Variants in NPAS2 observed in about 807,000 individuals in gnomAD.
NPAS2 encodes neuronal PAS domain protein 2.
In NPAS2, 23 loss-of-function variants were observed where a neutral mutation model predicts 107.5. The ratio of observed to expected loss-of-function variants is 0.21; its 90% CI spans 0.15 to 0.30. NPAS2 has a LOEUF of 0.30. Among genes scored for constraint, NPAS2 ranks in the 10% least tolerant of loss-of-function variants. The probability of loss-of-function intolerance (pLI) is 1.00; values close to 1 mark genes in which losing one functional copy is unlikely to be tolerated. For missense variants in NPAS2, 756 were observed against 1,043.3 expected, an observed-to-expected ratio of 0.72 and a Z score of 3.79; for synonymous variants, 403 against 417.5, an observed-to-expected ratio of 0.97 and a Z score of 0.42.
chr2:100,926,894 C>G (rs565546060), intron 3 of NPAS2, among the ~76,000 whole-genome samples: 1 of 149,828 alleles, frequency 6.7e-6, no homozygotes, highest in East Asian at 1.9e-4. Flanking sequence ...AGATTTATAT[C>G]TATGTTTTCT....
intron 2 of NPAS2, among the ~76,000 whole-genome samples, chr2:100,916,147 T>G (rs1347020005): frequency 6.6e-6 from 1 of 151,898 alleles, no homozygotes; most frequent in African/African-American, 2.4e-5. Flanking sequence ...AATGTTTAAA[T>G]AATCCAAAAG....
intron 1 of NPAS2, among the ~76,000 whole-genome samples, chr2:100,902,116 T>C (rs1274350013): frequency 6.6e-6 from 1 of 152,158 alleles, no homozygotes; most frequent in Non-Finnish European, 1.5e-5. Context: ...GAAAACTTTA[T>C]ACGGTTGAGA....
At chr2:100,854,581 C>A (rs1678437793) in intron 1 of NPAS2, among the ~76,000 whole-genome samples, 1 of 152,158 alleles carries the variant, frequency 6.6e-6, no homozygotes, top group Admixed American at 6.5e-5. Context: ...GGGAAAGATT[C>A]TAATTGGCCT....
Position 100,968,501 on chromosome 2 carries a change from C to T in NPAS2, c.1055+73C>T. The T allele has an allele frequency of 1.4e-6, 2 of 1,463,340 alleles. No homozygotes were observed. Among genetic ancestry groups the T allele is most frequent in the South Asian group, 2.4e-5 (2 of 83,052 alleles). 90.6% of individuals were successfully genotyped at this position (1,463,340 alleles called of 1,614,324 possible). On this transcript the variant is annotated intron_variant, in intron 11 of 20. Coordinates refer to ENST00000335681, the MANE Select transcript of NPAS2 (RefSeq NM_002518.4). This position sits in a 1 kb window ranked among gnomAD's most constrained non-coding sequence, Gnocchi z 5.3. ...GGAGGGGTGCAGGATGGCGTGGCCC[C>T]TGATGGCCAAGTCAGATCAGCAGTC...
At chr2:100,972,425 C>T (rs573849862) in intron 12 of NPAS2, among the ~76,000 whole-genome samples, 9 of 152,332 alleles carry the variant, frequency 5.9e-5, no homozygotes, top group East Asian at 1.9e-4. Context: ...CCAGTGACTG[C>T]GAATCCAGAG....
intron 10 of NPAS2, among the ~76,000 whole-genome samples, chr2:100,966,125 A>T (rs973868342): frequency 6.6e-6 from 1 of 152,188 alleles, no homozygotes; most frequent in Non-Finnish European, 1.5e-5. Flanking sequence ...TTTCATCAGC[A>T]GATAAGTATT....
chr2:100,843,573 T>C (rs1677582837), intron 1 of NPAS2, among the ~76,000 whole-genome samples: 1 of 152,216 alleles, frequency 6.6e-6, no homozygotes, highest in African/African-American at 2.4e-5. Flanking sequence ...TTGTCCTATA[T>C]ACTGATATTT....
chr2:100,938,048 G>A lies in NPAS2; in HGVS notation c.363+206G>A, dbSNP rs890382877. 5.3e-5 allele frequency among the ~76,000 whole-genome samples: 8 copies of A among 152,214 alleles called. No individual in the cohort carries two copies. The South Asian group carries it at 8.3e-4, about 16-fold the overall frequency. On this transcript the variant is annotated intron_variant, in intron 5 of 20. Transcript: ENST00000335681. ...TTCCAGGAAAAGGGCAGATGCAGGCGTGTGCCATCCTGGAACAGGCAAGGC... is the reference window on the plus strand; with the variant it reads ...TTCCAGGAAAAGGGCAGATGCAGGCATGTGCCATCCTGGAACAGGCAAGGC...
In NPAS2 at chr2:100,937,833, G is replaced by T. The variant is rs768669776; in HGVS notation, c.354G>T (p.Gly118=). Reference sequence around the variant, plus strand: ...CTGACAGTATCACGCCTCTCCTTGGGCATTTACCGGTGAGTTTCCACTCCA... The same window carrying T: ...CTGACAGTATCACGCCTCTCCTTGGTCATTTACCGGTGAGTTTCCACTCCA... ...YVSDSITPLL[G]HLPSDVMDQN... The change falls in exon 5 of 21, where the codon GGG becomes GGT. Residue 118 remains glycine (G), a synonymous_variant. Coordinates refer to ENST00000335681, the MANE Select transcript of NPAS2 (RefSeq NM_002518.4). The T allele has an allele frequency of 1.2e-6, 2 of 1,612,844 alleles. No individual in the cohort carries two copies. Among genetic ancestry groups the T allele is most frequent in the Non-Finnish European group, 1.7e-6 (2 of 1,178,856 alleles).
intron 3 of NPAS2, among the ~76,000 whole-genome samples, chr2:100,932,646 C>T (rs2104940745): frequency 6.6e-6 from 1 of 152,272 alleles, no homozygotes; most frequent in East Asian, 1.9e-4. Context: ...ACATTCAGGG[C>T]CATGGTACCA....
chr2:100,959,794 C>T (rs563190691), intron 7 of NPAS2, among the ~76,000 whole-genome samples: 2 of 152,262 alleles, frequency 1.3e-5, no homozygotes, highest in South Asian at 4.2e-4. Context: ...ATGTTTTCCT[C>T]CAGCCATTGC....
intron 7 of NPAS2, among the ~76,000 whole-genome samples, chr2:100,956,594 T>G (rs1675581669): frequency 1.3e-5 from 2 of 152,222 alleles, no homozygotes. Context: ...GCTCTCTTCT[T>G]GCTCCTCTGA....
At chr2:100,901,492 C>G in intron 1 of NPAS2, 3 of 984,618 alleles carry the variant, frequency 3.0e-6, no homozygotes, top group Non-Finnish European at 3.6e-6. Context: ...ACTGGAAGAG[C>G]CCCAGAGAGA....
At position 100,904,746 on chromosome 2, in the gene NPAS2, G is replaced by C; in HGVS notation, c.-9G>C. The C allele has an allele frequency of 6.4e-7, 1 of 1,554,416 alleles. No homozygotes were observed. The highest frequency in any genetic ancestry group is 8.8e-7 in the Non-Finnish European group (1 of 1,135,454). On this transcript the variant is annotated 5_prime_UTR_variant, in exon 2 of 21. Transcript: ENST00000335681. ...TTTTTTTTGCAGGAAAAACTGCATA[G>C]AAAATCTAATGGATGAAGATGAGAA... is the stretch of plus-strand genomic sequence containing the variant.
chr2:100,869,941 G>C (rs1326690560), intron 1 of NPAS2, among the ~76,000 whole-genome samples: 1 of 120,894 alleles, frequency 8.3e-6, no homozygotes, highest in Admixed American at 1.1e-4. Context: ...GTCTCGCTCT[G>C]TCGCCCAGGC....
intron 1 of NPAS2, among the ~76,000 whole-genome samples, chr2:100,885,163 G>T (rs750642954): frequency 1.1e-4 from 17 of 152,068 alleles, no homozygotes; most frequent in Non-Finnish European, 1.8e-4. Flanking sequence ...TGTTAGCCAG[G>T]ATGGTCTCTG....
intron 17 of NPAS2, chr2:100,989,448 G>A (rs1055194482): frequency 2.0e-5 from 3 of 152,226 alleles, no homozygotes; most frequent in Non-Finnish European, 4.4e-5. Flanking sequence ...CAGAAAAATA[G>A]GTGAGAAGAG....
chr2:100,989,524 G>C (rs1677985781), intron 17 of NPAS2: 1 of 152,214 alleles, frequency 6.6e-6, no homozygotes, highest in Non-Finnish European at 1.5e-5. Flanking sequence ...GGAAAATTTT[G>C]TAAAAACTAA....
chr2:100,993,363 A>G lies in NPAS2; in HGVS notation c.2128A>G (p.Thr710Ala). Reference protein sequence around the residue: ...GRQVKYAQSQTVFQNPDAHPA... With the variant: ...GRQVKYAQSQAVFQNPDAHPA... Reference sequence around the variant, plus strand: ...GTGAAACAGGTACGCCCAGAGCCAGACCGTGTTTCAAAATCCAGACGCACA... The same window carrying G: ...GTGAAACAGGTACGCCCAGAGCCAGGCCGTGTTTCAAAATCCAGACGCACA... Residue 710 changes from threonine to alanine, a missense_variant, in exon 20 of 21, where the codon ACC (threonine) becomes GCC (alanine). By Grantham distance (58) the Thr-to-Ala change is moderately conservative (BLOSUM62 0). This residue lies in a region of NPAS2 where 496 missense variants were observed against 594.4 expected (regional missense o/e 0.83). Coordinates refer to ENST00000335681, the MANE Select transcript of NPAS2 (RefSeq NM_002518.4). 6.3e-7 allele frequency: 1 copy of G among 1,599,140 alleles called. No individual in the cohort carries two copies. Among genetic ancestry groups the G allele is most frequent in the Non-Finnish European group, 8.6e-7 (1 of 1,168,824 alleles).
Sources: allele counts gnomAD v4.1 joint callset (sites outside exome capture counted in the v4.1 genomes callset), GRCh38; gene constraint gnomAD v4.1.1; regional missense constraint gnomAD v4.1.1; non-coding constraint Gnocchi (gnomAD v3.1); transcripts MANE v1.5; gene names NCBI Gene and HGNC (gene_info 2026-07-23, HGNC 2026-07-21).